The following FBXL7 variants were observed in gnomAD, a reference collection of about 807,000 sequenced individuals.
FBXL7 encodes F-box and leucine rich repeat protein 7.
FBXL7 carries 12 observed loss-of-function variants against 38.3 expected under a neutral mutation model. The observed-to-expected ratio is 0.31, with a 90% confidence interval of 0.20 to 0.51. FBXL7 has a LOEUF of 0.51. FBXL7 is among the 20% of genes least tolerant of loss of function. The pLI, the probability that FBXL7 is intolerant of heterozygous loss-of-function variation, is 0.98. For missense variants in FBXL7, 567 were observed against 676.4 expected, an observed-to-expected ratio of 0.84 and a Z score of 1.79; for synonymous variants, 297 against 300.9, an observed-to-expected ratio of 0.99 and a Z score of 0.13.
chr5:15,827,585 G>A (rs1332875347), intron 2 of FBXL7, among the ~76,000 whole-genome samples: 2 of 152,148 alleles, frequency 1.3e-5, no homozygotes, highest in Non-Finnish European at 2.9e-5. Flanking sequence ...ATGGCGAAAG[G>A]CAGCAGAGTG....
chr5:15,641,730 AAG>A (rs1223054403), intron 2 of FBXL7, among the ~76,000 whole-genome samples: 1 of 152,056 alleles, frequency 6.6e-6, no homozygotes, highest in Non-Finnish European at 1.5e-5. Context: ...CTGAATGAAA[AAG>A]AATTCTTTCT....
At chr5:15,702,050 C>A (rs1743539565) in intron 2 of FBXL7, among the ~76,000 whole-genome samples, 1 of 152,050 alleles carries the variant, frequency 6.6e-6, no homozygotes, top group Admixed American at 6.6e-5. Flanking sequence ...CCAGACTGGC[C>A]AACATGGTGA....
At chr5:15,523,173 A>G (rs944989204) in intron 1 of FBXL7, among the ~76,000 whole-genome samples, 5 of 152,218 alleles carry the variant, frequency 3.3e-5, no homozygotes, top group African/African-American at 1.2e-4. Flanking sequence ...AAATGGCACT[A>G]ACTAATGCCA....
chr5:15,663,914 T>C (rs1321499012), intron 2 of FBXL7, among the ~76,000 whole-genome samples: 1 of 152,084 alleles, frequency 6.6e-6, no homozygotes, highest in Non-Finnish European at 1.5e-5. Flanking sequence ...CTTTGATGTC[T>C]TTTTTTTCTA....
intron 1 of FBXL7, among the ~76,000 whole-genome samples, chr5:15,556,001 CTA>C (rs758038717): frequency 8.2e-6 from 1 of 122,522 alleles, no homozygotes; most frequent in East Asian, 2.4e-4. Flanking sequence ...ATCTATCTAT[CTA>C]TCTATCTATC....
At chr5:15,750,492 C>A (rs1173237619) in intron 2 of FBXL7, among the ~76,000 whole-genome samples, 1 of 152,182 alleles carries the variant, frequency 6.6e-6, no homozygotes, top group African/African-American at 2.4e-5. Context: ...ATGTTACCCC[C>A]TATAGGACTA....
intron 2 of FBXL7, among the ~76,000 whole-genome samples, chr5:15,778,470 C>G (rs1292507048): frequency 1.3e-5 from 2 of 152,044 alleles, no homozygotes; most frequent in Non-Finnish European, 2.9e-5. Context: ...AATACTGTTG[C>G]CTAGGCACCC....
At position 15,515,166 on chromosome 5, in the gene FBXL7, CT is replaced by C. The variant is rs771378001; in HGVS notation, c.37+14455del. Among the ~76,000 whole-genome samples the C allele has an allele frequency of 4.6e-5, 7 of 152,328 alleles. No individual in the cohort carries two copies. In the East Asian group the frequency reaches 1.4e-3, roughly 29 times the overall value. On this transcript the variant is annotated intron_variant, in intron 1 of 3. Transcript: ENST00000504595. Reference sequence around the variant, plus strand: ...ATGCCACTGTTAGGCAAGTCATCATCTTCCTGGGAATCTCAGCCATTCTTAA... The same window carrying C: ...ATGCCACTGTTAGGCAAGTCATCATCTCCTGGGAATCTCAGCCATTCTTAA...
At chr5:15,783,568 G>T (rs1323048015) in intron 2 of FBXL7, among the ~76,000 whole-genome samples, 1 of 152,118 alleles carries the variant, frequency 6.6e-6, no homozygotes, top group Non-Finnish European at 1.5e-5. Context: ...AAAACAAGGA[G>T]AATAGGAGGT....
At chr5:15,523,874 T>C (rs1220371722) in intron 1 of FBXL7, among the ~76,000 whole-genome samples, 1 of 152,192 alleles carries the variant, frequency 6.6e-6, no homozygotes, top group Non-Finnish European at 1.5e-5. Flanking sequence ...GCTGGCAGCA[T>C]GTGTGCAGCT....
intron 1 of FBXL7, among the ~76,000 whole-genome samples, chr5:15,557,711 A>T (rs1187682462): frequency 6.6e-6 from 1 of 152,212 alleles, no homozygotes; most frequent in Admixed American, 6.5e-5. Context: ...CTAGTGGAGC[A>T]GGCTCTTGGG....
intron 2 of FBXL7, among the ~76,000 whole-genome samples, chr5:15,779,057 A>G (rs1579455460): frequency 6.6e-6 from 1 of 152,236 alleles, no homozygotes; most frequent in Middle Eastern, 3.4e-3. Context: ...TAGATGACAT[A>G]TACGCTTAGG....
chr5:15,727,138 T>G (rs1318536190), intron 2 of FBXL7, among the ~76,000 whole-genome samples: 1 of 152,202 alleles, frequency 6.6e-6, no homozygotes, highest in Non-Finnish European at 1.5e-5. Flanking sequence ...CCCTCTTGGT[T>G]GTTGATGTCA....
chr5:15,618,169 A>T (rs1740513607), intron 2 of FBXL7, among the ~76,000 whole-genome samples: 3 of 152,060 alleles, frequency 2.0e-5, no homozygotes, highest in Admixed American at 2.0e-4. Context: ...AATGTTTTAT[A>T]CATTTTGTCA....
At chr5:15,780,686 A>G (rs1351969410) in intron 2 of FBXL7, among the ~76,000 whole-genome samples, 1 of 152,194 alleles carries the variant, frequency 6.6e-6, no homozygotes, top group East Asian at 1.9e-4. Context: ...CAGAAAATTA[A>G]GATGATGTTT....
intron 2 of FBXL7, among the ~76,000 whole-genome samples, chr5:15,677,781 C>T (rs1742712504): frequency 6.6e-6 from 1 of 152,134 alleles, no homozygotes; most frequent in African/African-American, 2.4e-5. Flanking sequence ...CCACCCTAGT[C>T]AGCCATTTAA....
chr5:15,772,741 CT>C (rs1334005585), intron 2 of FBXL7, among the ~76,000 whole-genome samples: 10 of 152,192 alleles, frequency 6.6e-5, no homozygotes, highest in Admixed American at 6.5e-4. Flanking sequence ...CTAATTTTCA[CT>C]AATCTTCTGC....
chr5:15,598,795 T>C (rs1739704724), intron 1 of FBXL7, among the ~76,000 whole-genome samples: 2 of 152,148 alleles, frequency 1.3e-5, no homozygotes. Context: ...TCCTGAGCAA[T>C]CACTGGGCAA....
intron 1 of FBXL7, among the ~76,000 whole-genome samples, chr5:15,527,896 G>A (rs1253482425): frequency 1.3e-5 from 2 of 152,178 alleles, no homozygotes; most frequent in Non-Finnish European, 2.9e-5. Flanking sequence ...TCCTATGTCA[G>A]AACAGACCTC....
Sources: gnomAD v4.1 joint callset for allele counts (sites outside exome capture counted in the v4.1 genomes callset) on GRCh38, gnomAD v4.1.1 for gene constraint, MANE v1.5 for transcripts, NCBI Gene and HGNC (gene_info 2026-07-23, HGNC 2026-07-21) for gene names.